DRC9: variants seen among roughly 807,000 people sequenced by gnomAD.
DRC9 encodes dynein regulatory complex protein 9.
chr3:197,952,162 G>GGTTTT, the DRC9 span, among the ~76,000 whole-genome samples: 1 of 83,860 alleles, frequency 1.2e-5, no homozygotes, highest in African/African-American at 5.2e-5. Context: ...AAAATTATGG[G>GGTTTT]TTTTTTTTTT....
At chr3:197,953,326 TG>T in the DRC9 span, among the ~76,000 whole-genome samples, 1 of 152,182 alleles carries the variant, frequency 6.6e-6, no homozygotes, top group Admixed American at 6.5e-5. Flanking sequence ...CAGTGAGCTA[TG>T]ATTGGGCCAC....
At chr3:197,932,845 A>ATATATAATATACATTATATATG in the DRC9 span, among the ~76,000 whole-genome samples, 29,163 of 131,448 alleles carry the variant, frequency 0.22, 4,381 homozygotes, top group African/African-American at 0.43. Flanking sequence ...TATGTATTAT[A>ATATATAATATACATTATATATG]TATAATATAC....
chr3:197,912,599 A>G, the DRC9 span: 1 of 1,049,286 alleles, frequency 9.5e-7, no homozygotes, highest in Admixed American at 2.1e-5. Flanking sequence ...TTTCCTTCAA[A>G]ATATTCTTTT....
the DRC9 span, chr3:197,945,666 A>T: frequency 6.5e-7 from 1 of 1,535,024 alleles, no homozygotes; most frequent in Non-Finnish European, 8.9e-7. Context: ...TATATTTATA[A>T]TCTCACAAAA....
the DRC9 span, among the ~76,000 whole-genome samples, chr3:197,932,928 T>TTA: frequency 2.2e-5 from 3 of 137,104 alleles, no homozygotes; most frequent in East Asian, 2.0e-4. Flanking sequence ...ATATTATGTA[T>TTA]TATATATATG....
the DRC9 span, among the ~76,000 whole-genome samples, chr3:197,921,954 T>G: frequency 2.8e-5 from 4 of 142,630 alleles, no homozygotes; most frequent in Non-Finnish European, 4.5e-5. Context: ...GGTTTCATCT[T>G]GGTTGACCTG....
At chr3:197,959,884 G>A in the DRC9 span, 4 of 336,858 alleles carry the variant, frequency 1.2e-5, no homozygotes, top group Non-Finnish European at 2.2e-5. Context: ...TTTTGCAGAG[G>A]GTTGTATGTA....
chr3:197,936,254 A>G, the DRC9 span, among the ~76,000 whole-genome samples: 6 of 152,244 alleles, frequency 3.9e-5, no homozygotes, highest in African/African-American at 1.4e-4. Flanking sequence ...ATTCAATGCA[A>G]TAAGACAATA....
the DRC9 span, among the ~76,000 whole-genome samples, chr3:197,948,794 C>T: frequency 6.6e-6 from 1 of 152,196 alleles, no homozygotes; most frequent in Non-Finnish European, 1.5e-5. Context: ...TCTCATTCCT[C>T]ATCCACCAGC....
the DRC9 span, chr3:197,951,793 G>A: frequency 5.7e-6 from 1 of 174,534 alleles, no homozygotes; most frequent in Non-Finnish European, 1.3e-5. Flanking sequence ...CTGCCTCCTG[G>A]CTCAAGCGAT....
the DRC9 span, among the ~76,000 whole-genome samples, chr3:197,919,052 C>T: frequency 6.6e-6 from 1 of 152,178 alleles, no homozygotes. Flanking sequence ...AGGTGATCCA[C>T]CTGCCTCGGC....
At chr3:197,955,316 T>G in the DRC9 span, among the ~76,000 whole-genome samples, 2 of 151,892 alleles carry the variant, frequency 1.3e-5, no homozygotes, top group Non-Finnish European at 2.9e-5. Flanking sequence ...GTCACCAGGC[T>G]GGAGTGCAGT....
At chr3:197,899,637 G>A in the DRC9 span, among the ~76,000 whole-genome samples, 2 of 151,930 alleles carry the variant, frequency 1.3e-5, no homozygotes, top group Non-Finnish European at 2.9e-5. Context: ...ATAAGGGAGA[G>A]ATAAGATATC....
the DRC9 span, among the ~76,000 whole-genome samples, chr3:197,932,826 G>A: frequency 9.9e-6 from 1 of 100,748 alleles, no homozygotes. Flanking sequence ...ATATATATAT[G>A]TATTTATATA....
the DRC9 span, chr3:197,891,653 A>G: frequency 1.2e-5 from 6 of 518,814 alleles, no homozygotes; most frequent in South Asian, 1.5e-4. Flanking sequence ...AACATGCTCA[A>G]TCTAAAGATA....
chr3:197,904,279 G>C, the DRC9 span, among the ~76,000 whole-genome samples: 2 of 151,810 alleles, frequency 1.3e-5, no homozygotes, highest in African/African-American at 2.4e-5. Context: ...GTATCTAAAA[G>C]ACAGGCAATA....
the DRC9 span, chr3:197,957,874 A>G: frequency 6.6e-6 from 1 of 152,214 alleles, no homozygotes; most frequent in Non-Finnish European, 1.5e-5. Flanking sequence ...ATAAAACCGT[A>G]AAGTGTAGAG....
the DRC9 span, chr3:197,932,247 T>C: frequency 6.2e-7 from 1 of 1,613,244 alleles, no homozygotes; most frequent in Non-Finnish European, 8.5e-7. Context: ...CTGTTGTAAG[T>C]GGCCGAATCT....
At chr3:197,944,070 A>C in the DRC9 span, 1 of 1,598,294 alleles carries the variant, frequency 6.3e-7, no homozygotes, top group Non-Finnish European at 8.5e-7. Context: ...AGAATAAAGA[A>C]AAAATAAGTC....
Sources: gnomAD v4.1 joint callset for allele counts (sites outside exome capture counted in the v4.1 genomes callset) on GRCh38, gnomAD v4.1.1 for gene constraint, MANE v1.5 for transcripts, NCBI Gene and HGNC (gene_info 2026-07-23, HGNC 2026-07-21) for gene names.